Variants in PARD3 observed in about 807,000 individuals in gnomAD.
PARD3 encodes the protein partitioning defective 3 homolog.
Under a neutral mutation model 155.4 loss-of-function variants are expected in PARD3, and 75 were observed. That is an observed-to-expected ratio of 0.48 (90% CI 0.40 to 0.58). The LOEUF (loss-of-function observed/expected upper bound fraction) is 0.58, where lower values mean the gene tolerates loss of function less well. Among genes scored for constraint, PARD3 ranks in the 20% least tolerant of loss-of-function variants. The pLI is 0.00. For missense variants in PARD3, 1,642 were observed against 1,721.7 expected (o/e 0.95, Z 0.82); for synonymous variants, 576 against 610.5 (o/e 0.94, Z 0.83).
chr10:34,369,920 G>A (rs773073294), intron 12 of PARD3, among the ~76,000 whole-genome samples: 2 of 152,130 alleles, frequency 1.3e-5, no homozygotes, highest in Admixed American at 1.3e-4. Context: ...AGCCTATCAC[G>A]GAGTTTTCCT....
At position 34,269,913 on chromosome 10, in the gene PARD3, A is replaced by C; in HGVS notation, c.3177-14T>G. 6.2e-7 allele frequency: 1 copy of C among 1,611,138 alleles called. No homozygotes were observed. The highest frequency in any genetic ancestry group is 8.5e-7 in the Non-Finnish European group (1 of 1,178,328). ...TTGGCTTGAATCCTATGAAATCAGA[A>C]CAAAGTTGAAATAAGAGAAACCTTT... is the stretch of plus-strand genomic sequence containing the variant. On this transcript the variant is annotated splice_polypyrimidine_tract_variant and intron_variant, in intron 21 of 24. Coordinates refer to ENST00000374788, the MANE Select transcript of PARD3 (RefSeq NM_001184785.2).
intron 2 of PARD3, among the ~76,000 whole-genome samples, chr10:34,681,727 A>ATTTT (rs1176768558): frequency 3.3e-5 from 2 of 59,808 alleles, no homozygotes; most frequent in Admixed American, 2.5e-4. Context: ...TTACGTATGT[A>ATTTT]TTTTATATAT....
intron 2 of PARD3, among the ~76,000 whole-genome samples, chr10:34,680,707 C>T (rs889886223): frequency 2.6e-5 from 4 of 151,726 alleles, no homozygotes; most frequent in African/African-American, 9.7e-5. Flanking sequence ...AATTGGAAAT[C>T]ATCATTCTCA....
At chr10:34,198,805 A>T (rs1951076262) in intron 22 of PARD3, among the ~76,000 whole-genome samples, 1 of 152,136 alleles carries the variant, frequency 6.6e-6, no homozygotes, top group South Asian at 2.1e-4. Flanking sequence ...AAACAGTCAG[A>T]TTTAACCCCA....
At chr10:34,115,127 A>G (rs1946595153) in intron 24 of PARD3, among the ~76,000 whole-genome samples, 1 of 152,136 alleles carries the variant, frequency 6.6e-6, no homozygotes, top group African/African-American at 2.4e-5. Flanking sequence ...CAGAAGGAGG[A>G]AGACAGAGGG....
chr10:34,284,650 G>C (rs1445701496), intron 20 of PARD3, among the ~76,000 whole-genome samples: 2 of 152,118 alleles, frequency 1.3e-5, no homozygotes, highest in Non-Finnish European at 2.9e-5. Context: ...CAATCATCTA[G>C]TTAATAATCT....
chr10:34,605,916 C>CTATA (rs1169710402), intron 2 of PARD3, among the ~76,000 whole-genome samples: 1 of 83,124 alleles, frequency 1.2e-5, no homozygotes, highest in African/African-American at 5.0e-5. Context: ...TATATATCTC[C>CTATA]TATATATATA....
At chr10:34,765,007 C>G (rs1170365278) in intron 1 of PARD3, among the ~76,000 whole-genome samples, 2 of 152,196 alleles carry the variant, frequency 1.3e-5, no homozygotes, top group Non-Finnish European at 2.9e-5. Flanking sequence ...GTGCCACCCA[C>G]AGCAGGAAAG....
chr10:34,130,117 C>G (rs1257130770), intron 23 of PARD3, among the ~76,000 whole-genome samples: 1 of 152,180 alleles, frequency 6.6e-6, no homozygotes, highest in African/African-American at 2.4e-5. Context: ...GCAAAGATGG[C>G]AGGCCTTAGA....
chr10:34,538,506 A>T (rs2083373962), intron 2 of PARD3, among the ~76,000 whole-genome samples: 1 of 152,258 alleles, frequency 6.6e-6, no homozygotes. Context: ...AAGACACAGA[A>T]GCCAAGATTT....
chr10:34,447,027 T>A (rs901198081), intron 5 of PARD3, among the ~76,000 whole-genome samples: 1 of 152,132 alleles, frequency 6.6e-6, no homozygotes, highest in South Asian at 2.1e-4. Context: ...TTGCTTTCTA[T>A]CCATATAAAC....
chr10:34,490,020 T>A (rs544140982), intron 3 of PARD3, among the ~76,000 whole-genome samples: 35 of 152,318 alleles, frequency 2.3e-4, no homozygotes, highest in African/African-American at 6.7e-4. Context: ...CTATCCAGTA[T>A]GCATGAAATC....
chr10:34,158,647 C>T (rs1338066405), intron 22 of PARD3, among the ~76,000 whole-genome samples: 1 of 152,122 alleles, frequency 6.6e-6, no homozygotes, highest in East Asian at 1.9e-4. Context: ...GCAACTATCT[C>T]TGTGATGATT....
chr10:34,652,617 C>T (rs1481351596), intron 2 of PARD3, among the ~76,000 whole-genome samples: 1 of 152,216 alleles, frequency 6.6e-6, no homozygotes, highest in East Asian at 1.9e-4. Context: ...AAAAACAATG[C>T]CCTTACTGAA....
At chr10:34,747,178 T>C (rs1835430100) in intron 1 of PARD3, among the ~76,000 whole-genome samples, 3 of 152,230 alleles carry the variant, frequency 2.0e-5, no homozygotes, top group African/African-American at 4.8e-5. Context: ...CTAATGTACA[T>C]TTTCTGACTG....
At chr10:34,719,000 G>A (rs2094564169) in intron 1 of PARD3, among the ~76,000 whole-genome samples, 1 of 152,006 alleles carries the variant, frequency 6.6e-6, no homozygotes, top group Admixed American at 6.6e-5. Flanking sequence ...AAAAATGCAT[G>A]GTGTATTGGA....
Position 34,221,256 on chromosome 10 carries a change from T to C in PARD3, c.3419+48401A>G, listed in dbSNP as rs12570336. ...ATGTGCATGTCCACCGCTTTCCTTG[T>C]AGCCCCATTTGTATGGCCACCCTTG... On this transcript the variant is annotated intron_variant, in intron 22 of 24. Coordinates refer to ENST00000374788, the MANE Select transcript of PARD3 (RefSeq NM_001184785.2). Among the ~76,000 whole-genome samples the C allele has an allele frequency of 2.5e-4, 38 of 152,308 alleles. No individual in the cohort carries two copies. In the East Asian group the frequency reaches 7.2e-3, roughly 29 times the overall value.
At chr10:34,531,426 T>A (rs182409239) in intron 2 of PARD3, among the ~76,000 whole-genome samples, 3 of 152,344 alleles carry the variant, frequency 2.0e-5, no homozygotes, top group African/African-American at 7.2e-5. Context: ...CAGCTTTAAA[T>A]CCTTCAGCTT....
intron 2 of PARD3, among the ~76,000 whole-genome samples, chr10:34,609,544 C>G (rs1295106929): frequency 1.3e-5 from 2 of 152,054 alleles, no homozygotes; most frequent in Non-Finnish European, 2.9e-5. Context: ...ACTTACTTCC[C>G]TCTTTTTGTT....
Sources: allele counts gnomAD v4.1 joint callset (sites outside exome capture counted in the v4.1 genomes callset), GRCh38; gene constraint gnomAD v4.1.1; transcripts MANE v1.5; gene names NCBI Gene and HGNC (gene_info 2026-07-23, HGNC 2026-07-21).